Variants in MARK2 observed in about 807,000 individuals in gnomAD.
The protein encoded by MARK2 is serine/threonine-protein kinase MARK2.
MARK2 carries 16 observed loss-of-function variants against 89.8 expected under a neutral mutation model. The ratio of observed to expected loss-of-function variants is 0.18; its 90% CI spans 0.12 to 0.27. The LOEUF (loss-of-function observed/expected upper bound fraction) is 0.27, where lower values mean the gene tolerates loss of function less well. Ranked by LOEUF, MARK2 falls within the 10% of genes least tolerant of loss-of-function variation. The pLI is 1.00. For synonymous variants in MARK2, 382 were observed against 399.5 expected (o/e 0.96, Z 0.52); for missense variants, 621 against 1,049.9 (o/e 0.59, Z 5.65).
rs1365883037 is a variant in MARK2 at position 63,902,990 on chromosome 11, A to AC, written c.1417-69dup. 4 of 1,355,016 alleles carry AC rather than the reference A, an allele frequency of 3.0e-6. No homozygotes were observed. In the African/African-American group the frequency reaches 5.7e-5, roughly 19 times the overall value. 83.9% of individuals were successfully genotyped at this position (1,355,016 alleles called of 1,614,324 possible). ...AAGGGACAGGAAGCCTGTTCCATGA[A>AC]CCTGGGGGGAGAACCTGGCTGTAGA... On this transcript the variant is annotated intron_variant, in intron 13 of 18. Coordinates refer to ENST00000402010, the MANE Select transcript of MARK2 (RefSeq NM_001039469.3). This position sits in a 1 kb window ranked among gnomAD's most constrained non-coding sequence, Gnocchi z 4.2.
At chr11:63,862,908 A>C (rs1937890117) in intron 1 of MARK2, among the ~76,000 whole-genome samples, 1 of 152,076 alleles carries the variant, frequency 6.6e-6, no homozygotes, top group Non-Finnish European at 1.5e-5. Context: ...TTGTCTGTGG[A>C]TCTTAACTGT....
chr11:63,840,299 T>G (rs1280638218), intron 1 of MARK2, among the ~76,000 whole-genome samples: 2 of 152,156 alleles, frequency 1.3e-5, no homozygotes, highest in African/African-American at 4.8e-5. Context: ...TCCCACAGGT[T>G]GCGTTTGGGG....
In MARK2 at chr11:63,902,394, G is replaced by A. The variant is rs1940973753; in HGVS notation, c.1234+64G>A. On this transcript the variant is annotated intron_variant, in intron 12 of 18. Coordinates refer to ENST00000402010, the MANE Select transcript of MARK2 (RefSeq NM_001039469.3). The surrounding 1 kb of genome is among the most constrained non-coding windows in gnomAD (Gnocchi z 4.2). ...TCTCCAGAGAGGTTACAGGTTCTGT[G>A]GGGACTTGGGTAACACAACTAAGTT... is the stretch of plus-strand genomic sequence containing the variant. 7 of 1,598,560 alleles carry A rather than the reference G, an allele frequency of 4.4e-6. No homozygotes were observed. Among genetic ancestry groups the A allele is most frequent in the Non-Finnish European group, 6.0e-6 (7 of 1,167,840 alleles).
intron 1 of MARK2, among the ~76,000 whole-genome samples, chr11:63,886,728 A>G (rs953249476): frequency 1.3e-5 from 2 of 152,120 alleles, no homozygotes; most frequent in Non-Finnish European, 2.9e-5. Context: ...CTTGGCCCCC[A>G]TGTGGCTTTT....
At chr11:63,853,584 A>C (rs1292863984) in intron 1 of MARK2, among the ~76,000 whole-genome samples, 1 of 152,236 alleles carries the variant, frequency 6.6e-6, no homozygotes, top group African/African-American at 2.4e-5. Context: ...GGTGATAAAT[A>C]TTCAAAGGGT....
chr11:63,909,219 C>G lies in MARK2; in HGVS notation c.2349C>G (p.Ala783=), dbSNP rs772581406. 6.3e-7 allele frequency: 1 copy of G among 1,590,186 alleles called. No homozygotes were observed. The highest frequency in any genetic ancestry group is 2.3e-5 in the East Asian group (1 of 44,112). The change falls in exon 19 of 19, where the codon GCC becomes GCG. Residue 783 remains alanine, a synonymous_variant. Coordinates refer to ENST00000402010, the MANE Select transcript of MARK2 (RefSeq NM_001039469.3). ...TCAAAAACATTGCCTCCAAAATAGC[C>G]AACGAGCTGAAGCTTTAACAGGCTG... ...MAFKNIASKI[A]NELKL
At position 63,902,436 on chromosome 11, in the gene MARK2, C is replaced by A; in HGVS notation, c.1234+106C>A. On this transcript the variant is annotated intron_variant, in intron 12 of 18. Coordinates refer to ENST00000402010, the MANE Select transcript of MARK2 (RefSeq NM_001039469.3). This position sits in a 1 kb window ranked among gnomAD's most constrained non-coding sequence, Gnocchi z 4.2. ...AACTAAGTTTCAGTCCTGGTTCAGCCACTTATTAGTAGTGTGGCTATGGGC... is the reference window on the plus strand; with the variant it reads ...AACTAAGTTTCAGTCCTGGTTCAGCAACTTATTAGTAGTGTGGCTATGGGC... The A allele has an allele frequency of 6.7e-7, 1 of 1,495,280 alleles. No individual in the cohort carries two copies. Among genetic ancestry groups the A allele is most frequent in the Non-Finnish European group, 9.2e-7 (1 of 1,083,214 alleles). The allele number at this position is 1,495,280 out of a possible 1,614,324, so 92.6% of individuals were successfully genotyped here.
intron 1 of MARK2, among the ~76,000 whole-genome samples, chr11:63,884,861 G>C (rs765074736): frequency 6.6e-6 from 1 of 152,220 alleles, no homozygotes; most frequent in Non-Finnish European, 1.5e-5. Flanking sequence ...TGGATACAGT[G>C]AGGGAGGAAG....
intron 1 of MARK2, 23 bp downstream of exon 1, chr11:63,839,583 C>G (rs922092114): frequency 2.7e-6 from 4 of 1,479,078 alleles, no homozygotes; most frequent in African/African-American, 1.4e-5. Context: ...GAGGGCTCCC[C>G]GAATTCTCTG....
intron 1 of MARK2, among the ~76,000 whole-genome samples, chr11:63,854,270 G>A (rs913615232): frequency 1.0e-4 from 15 of 149,160 alleles, no homozygotes; most frequent in Non-Finnish European, 2.1e-4. Flanking sequence ...TGCAACCTCC[G>A]CCCACTGCAA....
At chr11:63,889,819 A>G (rs1254342563) in intron 1 of MARK2, among the ~76,000 whole-genome samples, 1 of 152,018 alleles carries the variant, frequency 6.6e-6, no homozygotes, top group African/African-American at 2.4e-5. Flanking sequence ...CATAGGGTCT[A>G]CTCTTGACAG....
At chr11:63,879,984 C>T (rs968059646) in intron 1 of MARK2, among the ~76,000 whole-genome samples, 1 of 152,132 alleles carries the variant, frequency 6.6e-6, no homozygotes, top group African/African-American at 2.4e-5. Flanking sequence ...ACTAGGGGGT[C>T]TAGAAGGCCT....
At chr11:63,858,605 T>C (rs1431718424) in intron 1 of MARK2, among the ~76,000 whole-genome samples, 1 of 150,144 alleles carries the variant, frequency 6.7e-6, no homozygotes, top group Non-Finnish European at 1.5e-5. Context: ...CACCTGCCTC[T>C]GCCTCCTAAA....
Position 63,900,832 on chromosome 11 carries a change from A to G in MARK2, c.941A>G (p.Lys314Arg). The change falls in exon 10 of 19, where the codon AAG (lysine) becomes AGG (arginine). Residue 314 changes from lysine (K) to arginine (R), a missense_variant. By Grantham distance (26) the Lys-to-Arg change is conservative (BLOSUM62 2). This residue lies in a region of MARK2 where 397 missense variants were observed against 567.8 expected (regional missense o/e 0.70). Transcript: ENST00000402010. The surrounding 1 kb of genome is among the most constrained non-coding windows in gnomAD (Gnocchi z 4.7). ...MNVGHEDDEL[K>R]PYVEPLPDYK... ...GTGGGTCACGAAGATGATGAACTAA[A>G]GCCTTACGTGGAGCCACTCCCTGAC... 1 of 1,614,150 alleles carries G rather than the reference A, an allele frequency of 6.2e-7. No individual in the cohort carries two copies. Among genetic ancestry groups the G allele is most frequent in the Non-Finnish European group, 8.5e-7 (1 of 1,180,020 alleles).
At chr11:63,852,192 T>G (rs555783729) in intron 1 of MARK2, among the ~76,000 whole-genome samples, 1 of 152,380 alleles carries the variant, frequency 6.6e-6, no homozygotes, top group South Asian at 2.1e-4. Context: ...GTGTTTTCTA[T>G]AATTTTTAAG....
intron 1 of MARK2, chr11:63,868,794 A>G (rs886746943): frequency 6.6e-6 from 3 of 455,910 alleles, no homozygotes; most frequent in African/African-American, 4.0e-5. Context: ...AATATTGTCC[A>G]GCGTTGGAGA....
At chr11:63,841,126 A>C (rs2015993314) in intron 1 of MARK2, among the ~76,000 whole-genome samples, 1 of 151,340 alleles carries the variant, frequency 6.6e-6, no homozygotes, top group Non-Finnish European at 1.5e-5. Context: ...TCCATCCTTT[A>C]TGTTTCCCTC....
intron 1 of MARK2, among the ~76,000 whole-genome samples, chr11:63,853,513 G>A (rs1229520920): frequency 1.3e-5 from 2 of 152,216 alleles, no homozygotes; most frequent in African/African-American, 2.4e-5. Context: ...TGCTGTATCA[G>A]CACCAACTGC....
intron 11 of MARK2, among the ~76,000 whole-genome samples, chr11:63,901,473 C>CTTT (rs35231498): frequency 0.069 from 3,984 of 57,656 alleles, 1,245 homozygotes; most frequent in African/African-American, 0.25. Flanking sequence ...GAGTCTGTTG[C>CTTT]TTTTTTTTTT....
Sources: gnomAD v4.1 joint callset for allele counts (sites outside exome capture counted in the v4.1 genomes callset) on GRCh38, gnomAD v4.1.1 for gene constraint, gnomAD v4.1.1 regional missense constraint, Gnocchi (gnomAD v3.1) non-coding constraint, MANE v1.5 for transcripts, NCBI Gene and HGNC (gene_info 2026-07-23, HGNC 2026-07-21) for gene names.